Variants in GOLGA1 observed in about 807,000 individuals in gnomAD.
The protein encoded by GOLGA1 is golgin A1.
GOLGA1 carries 63 observed loss-of-function variants against 119.7 expected under a neutral mutation model. The ratio of observed to expected loss-of-function variants is 0.53; its 90% CI spans 0.43 to 0.65. The LOEUF (loss-of-function observed/expected upper bound fraction) is 0.65, where lower values mean the gene tolerates loss of function less well. GOLGA1 is among the 30% of genes least tolerant of loss of function. GOLGA1 has a pLI of 0.00. For missense variants in GOLGA1, 798 were observed against 912.8 expected, an observed-to-expected ratio of 0.87 and a Z score of 1.62; for synonymous variants, 318 against 333.4, an observed-to-expected ratio of 0.95 and a Z score of 0.50.
At position 124,881,485 on chromosome 9, in the gene GOLGA1, C is replaced by A. The variant is rs1458151142; in HGVS notation, c.2137-228G>T. ...CCCCAGCAGCTACCCTACCCTTTGG[C>A]AGGACCCAGGAGCGATGGGTGGATT... On this transcript the variant is annotated intron_variant, in intron 21 of 22. Transcript: ENST00000373555. This position sits in a 1 kb window ranked among gnomAD's most constrained non-coding sequence, Gnocchi z 4.9. Among the ~76,000 whole-genome samples the A allele has an allele frequency of 6.6e-6, 1 of 152,210 alleles. No homozygotes were observed. The highest frequency in any genetic ancestry group is 1.5e-5 in the Non-Finnish European group (1 of 68,034).
intron 19 of GOLGA1, among the ~76,000 whole-genome samples, chr9:124,883,320 T>C (rs1353388473): frequency 1.5e-5 from 2 of 136,748 alleles, no homozygotes; most frequent in Admixed American, 1.4e-4. Context: ...AGTTTCACTC[T>C]TGTTGCCCAG....
chr9:124,931,241 A>C, intron 4 of GOLGA1, 75 bp downstream of exon 4: 1 of 771,196 alleles, frequency 1.3e-6, no homozygotes, highest in Non-Finnish European at 2.4e-6. Flanking sequence ...GTCATCCTAT[A>C]TGGCTATTTT....
intron 15 of GOLGA1, among the ~76,000 whole-genome samples, chr9:124,892,971 A>G (rs1362374090): frequency 6.6e-6 from 1 of 152,006 alleles, no homozygotes; most frequent in Non-Finnish European, 1.5e-5. Context: ...TTAAATGTAA[A>G]CATATAAGAG....
At chr9:124,920,406 CACT>C (rs1407771189) in intron 10 of GOLGA1, among the ~76,000 whole-genome samples, 7 of 151,754 alleles carry the variant, frequency 4.6e-5, no homozygotes, top group Non-Finnish European at 8.8e-5. Context: ...GCCTGAGAAA[CACT>C]ACTTTATATT....
intron 8 of GOLGA1, among the ~76,000 whole-genome samples, 172 bp from the exon 9 acceptor site, chr9:124,922,064 C>T (rs1042492652): frequency 2.6e-5 from 4 of 151,886 alleles, no homozygotes; most frequent in African/African-American, 9.7e-5. Flanking sequence ...CCTATCTCTA[C>T]TAAAAATACA....
At chr9:124,898,431 T>C (rs1004965007) in intron 15 of GOLGA1, 118 bp downstream of exon 15, 5 of 654,666 alleles carry the variant, frequency 7.6e-6, no homozygotes, top group South Asian at 5.8e-5. Context: ...AACAGAACTA[T>C]TGAACAAATG....
intron 7 of GOLGA1, among the ~76,000 whole-genome samples, 179 bp from the exon 8 acceptor site, chr9:124,923,402 G>A (rs1293633228): frequency 1.3e-5 from 2 of 152,104 alleles, no homozygotes; most frequent in Non-Finnish European, 2.9e-5. Context: ...CTCCCAAAGT[G>A]CTAAGATTAC....
At chr9:124,883,508 C>T (rs1829638688) in intron 19 of GOLGA1, among the ~76,000 whole-genome samples, 2 of 152,054 alleles carry the variant, frequency 1.3e-5, no homozygotes, top group African/African-American at 4.8e-5. Context: ...TTGCAGGTGA[C>T]ATAATCTCAG....
chr9:124,895,897 C>T (rs1042225804), intron 15 of GOLGA1, among the ~76,000 whole-genome samples: 1 of 148,760 alleles, frequency 6.7e-6, no homozygotes, highest in Non-Finnish European at 1.5e-5. Flanking sequence ...AGAGACCCAC[C>T]CACAACAGAG....
intron 12 of GOLGA1, among the ~76,000 whole-genome samples, chr9:124,906,781 T>G (rs938246916): frequency 6.6e-6 from 1 of 151,888 alleles, no homozygotes; most frequent in African/African-American, 2.4e-5. Flanking sequence ...CATCACAGTA[T>G]CAACACAAAC....
chr9:124,891,666 T>C (rs1393310935), intron 15 of GOLGA1, among the ~76,000 whole-genome samples: 4 of 151,798 alleles, frequency 2.6e-5, no homozygotes, highest in African/African-American at 9.7e-5. Flanking sequence ...TTTTTTGAGA[T>C]GGAGCTTCTC....
intron 10 of GOLGA1, among the ~76,000 whole-genome samples, chr9:124,920,880 T>C (rs1250726664): frequency 2.0e-5 from 3 of 148,714 alleles, no homozygotes; most frequent in Non-Finnish European, 3.0e-5. Flanking sequence ...AAGAGAGACA[T>C]ATTTGAGTCG....
chr9:124,930,603 G>A (rs753325894), intron 4 of GOLGA1, among the ~76,000 whole-genome samples: 6 of 152,030 alleles, frequency 3.9e-5, no homozygotes, highest in African/African-American at 7.2e-5. Context: ...GGTGAACTTC[G>A]GTCTGCTGTT....
intron 3 of GOLGA1, among the ~76,000 whole-genome samples, chr9:124,932,605 C>G (rs1422095892): frequency 6.6e-6 from 1 of 152,232 alleles, no homozygotes; most frequent in Non-Finnish European, 1.5e-5. Context: ...TGTCAAATCC[C>G]TAAAACACAG....
At chr9:124,902,638 T>C (rs1016337154) in intron 12 of GOLGA1, among the ~76,000 whole-genome samples, 7 of 151,396 alleles carry the variant, frequency 4.6e-5, no homozygotes, top group African/African-American at 1.7e-4. Context: ...TACAGGCGCC[T>C]GCCACCATGC....
chr9:124,900,452 G>T lies in GOLGA1; in HGVS notation c.1161C>A (p.Leu387=). ...TGCAGCAGCTCCAATAAGCACTTACGAGCTCCTGTATCTGAGTTTCCTGGG... is the reference window on the plus strand; with the variant it reads ...TGCAGCAGCTCCAATAAGCACTTACTAGCTCCTGTATCTGAGTTTCCTGGG... ...VAAQETQIQE[L]AAANQESSHV... Residue 387 remains leucine, a splice_region_variant and synonymous_variant, in exon 13 of 23, where the codon CTC becomes CTA. Transcript: ENST00000373555. The T allele has an allele frequency of 6.8e-7, 1 of 1,471,226 alleles. No homozygotes were observed. The highest frequency in any genetic ancestry group is 9.5e-7 in the Non-Finnish European group (1 of 1,049,616). The allele number at this position is 1,471,226 out of a possible 1,614,324, so 91.1% of individuals were successfully genotyped here.
chr9:124,919,100 A>T (rs955799179), intron 10 of GOLGA1, among the ~76,000 whole-genome samples: 2 of 151,554 alleles, frequency 1.3e-5, no homozygotes, highest in African/African-American at 4.9e-5. Context: ...AATAATAATA[A>T]AAAAAAATTA....
intron 12 of GOLGA1, 111 bp downstream of exon 12, chr9:124,908,266 T>C (rs1830271107): frequency 7.0e-6 from 5 of 713,892 alleles, no homozygotes; most frequent in Admixed American, 2.2e-5. Flanking sequence ...GATCCAAAAA[T>C]AATCCCTTCT....
intron 19 of GOLGA1, 94 bp from the exon 20 acceptor site, chr9:124,882,663 C>A (rs1185971395): frequency 8.3e-6 from 8 of 963,494 alleles, no homozygotes; most frequent in Non-Finnish European, 1.1e-5. Flanking sequence ...CCCCTGTACA[C>A]CTGTGAGGAG....
Sources: gnomAD v4.1 joint callset for allele counts (sites outside exome capture counted in the v4.1 genomes callset) on GRCh38, gnomAD v4.1.1 for gene constraint, Gnocchi (gnomAD v3.1) non-coding constraint, MANE v1.5 for transcripts, NCBI Gene and HGNC (gene_info 2026-07-23, HGNC 2026-07-21) for gene names.